RPA3: variants seen among roughly 807,000 people sequenced by gnomAD.
The protein encoded by RPA3 is replication protein A 14 kDa subunit.
RPA3 carries 24 observed loss-of-function variants against 13.7 expected under a neutral mutation model. That is an observed-to-expected ratio of 1.75 (90% CI 1.27 to 2.46). The LOEUF (loss-of-function observed/expected upper bound fraction) is 2.46, where lower values mean the gene tolerates loss of function less well. Among genes scored for constraint, RPA3 ranks in the 30% most tolerant of loss-of-function variants. The probability of loss-of-function intolerance (pLI) is 0.00; values close to 1 mark genes in which losing one functional copy is unlikely to be tolerated. For missense variants in RPA3, 183 were observed against 151.0 expected, an observed-to-expected ratio of 1.21 and a Z score of -1.11; for synonymous variants, 59 against 51.2, an observed-to-expected ratio of 1.15 and a Z score of -0.65.
intron 4 of RPA3, among the ~76,000 whole-genome samples, chr7:7,665,296 A>G (rs1779414091): frequency 6.6e-6 from 1 of 152,214 alleles, no homozygotes; most frequent in Non-Finnish European, 1.5e-5. Context: ...CCTGCTAAGC[A>G]ATTAGGCAGG....
chr7:7,647,640 C>G (rs757237466), intron 4 of RPA3, among the ~76,000 whole-genome samples: 21 of 152,168 alleles, frequency 1.4e-4, no homozygotes, highest in Non-Finnish European at 2.8e-4. Flanking sequence ...CAGGGTCTTC[C>G]TCTGTTGCTG....
intron 4 of RPA3, among the ~76,000 whole-genome samples, chr7:7,667,513 T>A (rs749538474): frequency 1.4e-4 from 22 of 152,216 alleles, no homozygotes; most frequent in Non-Finnish European, 2.6e-4. Context: ...GGGCAGAGGT[T>A]GCAGTTTTTT....
At position 7,643,605 on chromosome 7, in the gene RPA3, G is replaced by A. The variant is rs976870585; in HGVS notation, c.-757-2430C>T. 5.9e-5 allele frequency among the ~76,000 whole-genome samples: 9 copies of A among 152,140 alleles called. 1 individual carries two copies. Among genetic ancestry groups the A allele is most frequent in the African/African-American group, 2.2e-4 (9 of 41,504 alleles). The stretch of plus-strand genomic sequence containing the variant: ...CGGGGGCCTGTAGTCCCAGCTACTC[G>A]GGAGGCTGAGGCAGGAGAATGGCGT... On this transcript the variant is annotated intron_variant, in intron 4 of 7. Coordinates refer to ENST00000223129, the MANE Select transcript of RPA3 (RefSeq NM_002947.5).
At chr7:7,642,258 C>T (rs945215628) in intron 4 of RPA3, among the ~76,000 whole-genome samples, 1 of 129,592 alleles carries the variant, frequency 7.7e-6, no homozygotes, top group Non-Finnish European at 1.6e-5. Flanking sequence ...CCTCAGCCTG[C>T]CAAGTAGCTG....
rs374674853 is a variant in RPA3 at position 7,655,865 on chromosome 7, C to T, written c.-757-14690G>A. ...TGTTTTTGTTTTTGAGACAGAGTTT[C>T]GCTCTTGTTCCCCAGGCTGGAATGC... On this transcript the variant is annotated intron_variant, in intron 4 of 7. Coordinates refer to ENST00000223129, the MANE Select transcript of RPA3 (RefSeq NM_002947.5). Among the ~76,000 whole-genome samples the T allele has an allele frequency of 6.5e-4, 99 of 152,128 alleles. 2 individuals are homozygous for T. The highest frequency in any genetic ancestry group is 2.2e-3 in the African/African-American group (92 of 41,514).
chr7:7,662,455 C>T (rs1008281488), intron 4 of RPA3, among the ~76,000 whole-genome samples: 1 of 152,174 alleles, frequency 6.6e-6, no homozygotes, highest in African/African-American at 2.4e-5. Context: ...TAGGCACCGG[C>T]GGGAATCTCC....
At chr7:7,644,759 T>A (rs2115544348) in intron 4 of RPA3, among the ~76,000 whole-genome samples, 1 of 152,328 alleles carries the variant, frequency 6.6e-6, no homozygotes, top group South Asian at 2.1e-4. Flanking sequence ...TTATCATAAC[T>A]TTTGATGTCT....
At chr7:7,662,372 C>T (rs918076253) in intron 4 of RPA3, among the ~76,000 whole-genome samples, 4 of 152,162 alleles carry the variant, frequency 2.6e-5, no homozygotes, top group African/African-American at 4.8e-5. Flanking sequence ...AAAGAAAACA[C>T]TCCTGCAGCT....
chr7:7,700,652 C>G (rs190646574), intron 2 of RPA3, among the ~76,000 whole-genome samples: 1 of 152,174 alleles, frequency 6.6e-6, no homozygotes, highest in East Asian at 1.9e-4. Flanking sequence ...CTTTGGGAGG[C>G]CTAGGTGAGC....
intron 2 of RPA3, among the ~76,000 whole-genome samples, chr7:7,690,688 GT>G (rs1217237864): frequency 4.6e-5 from 7 of 151,960 alleles, no homozygotes; most frequent in African/African-American, 1.7e-4. Context: ...AAATTCTTTT[GT>G]TTTTGCTAAG....
chr7:7,664,495 C>A (rs566705017), intron 4 of RPA3, among the ~76,000 whole-genome samples: 42 of 152,296 alleles, frequency 2.8e-4, no homozygotes, highest in African/African-American at 1.0e-3. Context: ...TAATTTATTT[C>A]TTCCCTTCTT....
At chr7:7,669,445 A>G (rs1399494573) in intron 4 of RPA3, among the ~76,000 whole-genome samples, 1 of 152,170 alleles carries the variant, frequency 6.6e-6, no homozygotes, top group Non-Finnish European at 1.5e-5. Flanking sequence ...ACGTTTTTAT[A>G]CCACTGTGTG....
intron 4 of RPA3, among the ~76,000 whole-genome samples, chr7:7,653,555 C>T (rs945127850): frequency 1.6e-4 from 25 of 152,202 alleles, no homozygotes; most frequent in African/African-American, 5.8e-4. Context: ...GTGCATCACG[C>T]ACTAGGTGAT....
chr7:7,671,132 G>A (rs994913579), intron 4 of RPA3, among the ~76,000 whole-genome samples: 2 of 152,182 alleles, frequency 1.3e-5, no homozygotes, highest in African/African-American at 4.8e-5. Flanking sequence ...TCTTTGAATT[G>A]AGACCAGATT....
At chr7:7,713,861 C>T (rs949659181) in intron 2 of RPA3, among the ~76,000 whole-genome samples, 5 of 152,124 alleles carry the variant, frequency 3.3e-5, no homozygotes, top group African/African-American at 1.2e-4. Context: ...GGCAGGGTCT[C>T]ACTCTGTCAC....
At chr7:7,638,446 C>G (rs182673791) in intron 6 of RPA3, 1 of 152,704 alleles carries the variant, frequency 6.5e-6, no homozygotes, top group South Asian at 2.0e-4. Context: ...AAAATAAAAT[C>G]GAAAACTCTT....
chr7:7,668,371 T>A (rs886725), intron 4 of RPA3, among the ~76,000 whole-genome samples: 88,184 of 151,996 alleles, frequency 0.58, 25,853 homozygotes, highest in East Asian at 0.8. Flanking sequence ...AGTAAAAAAA[T>A]TTATGAGTAC....
At chr7:7,685,588 G>A (rs923153252) in intron 4 of RPA3, among the ~76,000 whole-genome samples, 8 of 152,114 alleles carry the variant, frequency 5.3e-5, no homozygotes, top group East Asian at 1.9e-4. Flanking sequence ...GATTATAGGC[G>A]TGAGCCACCG....
intron 4 of RPA3, among the ~76,000 whole-genome samples, chr7:7,667,031 A>G (rs991264078): frequency 6.6e-6 from 1 of 151,992 alleles, no homozygotes; most frequent in African/African-American, 2.4e-5. Context: ...CAGGTCTCTA[A>G]CTCCTAACCT....
Sources: allele counts gnomAD v4.1 joint callset (sites outside exome capture counted in the v4.1 genomes callset), GRCh38; gene constraint gnomAD v4.1.1; transcripts MANE v1.5; gene names NCBI Gene and HGNC (gene_info 2026-07-23, HGNC 2026-07-21).